Variants in SNTG1 observed in about 807,000 individuals in gnomAD.
The protein encoded by SNTG1 is gamma-1-syntrophin.
A neutral mutation model predicts 74.7 loss-of-function variants in SNTG1; 39 were observed. The ratio of observed to expected loss-of-function variants is 0.52; its 90% CI spans 0.40 to 0.68. SNTG1 has a LOEUF of 0.68. Among genes scored for constraint, SNTG1 ranks in the 30% least tolerant of loss-of-function variants. The pLI, the probability that SNTG1 is intolerant of heterozygous loss-of-function variation, is 0.00. For missense variants in SNTG1, 685 were observed against 609.5 expected, an observed-to-expected ratio of 1.12 and a Z score of -1.30; for synonymous variants, 254 against 217.1, an observed-to-expected ratio of 1.17 and a Z score of -1.49.
intron 1 of SNTG1, among the ~76,000 whole-genome samples, chr8:49,912,974 G>A (rs760284736): frequency 9.2e-5 from 14 of 152,142 alleles, no homozygotes; most frequent in Non-Finnish European, 1.6e-4. Flanking sequence ...GTAGGTTCCC[G>A]AAAAACCATA....
intron 2 of SNTG1, among the ~76,000 whole-genome samples, chr8:50,240,432 A>G (rs1363103773): frequency 6.6e-6 from 1 of 152,224 alleles, no homozygotes; most frequent in African/African-American, 2.4e-5. Context: ...AAATTCCAGT[A>G]AGTCTCTTTA....
chr8:49,940,407 G>C (rs1376423619), intron 1 of SNTG1, among the ~76,000 whole-genome samples: 2 of 152,150 alleles, frequency 1.3e-5, no homozygotes, highest in Non-Finnish European at 2.9e-5. Context: ...CAGTGAAAAG[G>C]GGAATGGCTA....
chr8:50,607,021 G>A (rs2094817677), intron 13 of SNTG1, among the ~76,000 whole-genome samples: 2 of 151,828 alleles, frequency 1.3e-5, no homozygotes, highest in South Asian at 4.1e-4. Flanking sequence ...GTTTCTGAGA[G>A]ACATTGATAT....
chr8:50,158,897 A>G (rs1358928009), intron 1 of SNTG1, among the ~76,000 whole-genome samples: 1 of 152,208 alleles, frequency 6.6e-6, no homozygotes, highest in Non-Finnish European at 1.5e-5. Flanking sequence ...AATAAATAAT[A>G]CTAGACTATT....
chr8:50,184,812 G>GA (rs963473518), intron 2 of SNTG1, among the ~76,000 whole-genome samples: 3 of 151,674 alleles, frequency 2.0e-5, no homozygotes, highest in Non-Finnish European at 4.4e-5. Context: ...TATTTTTGAG[G>GA]AAAAAAAATT....
intron 2 of SNTG1, among the ~76,000 whole-genome samples, chr8:50,248,233 T>C (rs1316472050): frequency 6.6e-6 from 1 of 152,068 alleles, no homozygotes; most frequent in African/African-American, 2.4e-5. Flanking sequence ...GGGAGGGAAA[T>C]TGTCAACCCA....
At chr8:50,271,915 C>T (rs570053199) in intron 2 of SNTG1, among the ~76,000 whole-genome samples, 1 of 152,280 alleles carries the variant, frequency 6.6e-6, no homozygotes, top group Non-Finnish European at 1.5e-5. Flanking sequence ...GAAGGCAAAA[C>T]CCTCATGGGT....
At chr8:50,627,911 G>A (rs1177297121) in intron 13 of SNTG1, among the ~76,000 whole-genome samples, 1 of 152,036 alleles carries the variant, frequency 6.6e-6, no homozygotes, top group Non-Finnish European at 1.5e-5. Flanking sequence ...CATTACATAG[G>A]CATGATTGAT....
intron 1 of SNTG1, among the ~76,000 whole-genome samples, chr8:49,956,050 A>C (rs540908775): frequency 6.6e-6 from 1 of 152,362 alleles, no homozygotes; most frequent in East Asian, 1.9e-4. Context: ...TGCTGATCAA[A>C]GAAGTCTCCT....
chr8:50,792,773 A>G lies in SNTG1; in HGVS notation c.1498A>G (p.Thr500Ala). The part of the protein sequence containing the change: ...LDPLFLGNQA[T>A]ASTAASSATT... ...CCCTCTATTTTTAGGCAATCAAGCT[A>G]CTGCTTCTACTGCTGCCAGCTCTGC... Residue 500 changes from threonine to alanine, a missense_variant, in exon 19 of 19, where the codon ACT (threonine) becomes GCT (alanine). Coordinates refer to ENST00000642720, the MANE Select transcript of SNTG1 (RefSeq NM_018967.5). 6.2e-7 allele frequency: 1 copy of G among 1,612,484 alleles called. No individual in the cohort carries two copies. Among genetic ancestry groups the G allele is most frequent in the Non-Finnish European group, 8.5e-7 (1 of 1,178,918 alleles).
At chr8:49,970,075 G>C (rs1313087656) in intron 1 of SNTG1, among the ~76,000 whole-genome samples, 2 of 152,102 alleles carry the variant, frequency 1.3e-5, no homozygotes, top group Non-Finnish European at 2.9e-5. Context: ...AGGGTGACTT[G>C]AGAATAGGAT....
intron 13 of SNTG1, among the ~76,000 whole-genome samples, chr8:50,635,757 C>G (rs935879560): frequency 6.6e-6 from 1 of 152,160 alleles, no homozygotes; most frequent in Non-Finnish European, 1.5e-5. Context: ...AATCAGAGAT[C>G]CCATGAGCCC....
At chr8:50,403,240 T>C (rs1481859119) in intron 4 of SNTG1, among the ~76,000 whole-genome samples, 1 of 152,220 alleles carries the variant, frequency 6.6e-6, no homozygotes, top group Non-Finnish European at 1.5e-5. Flanking sequence ...TTGGAGTGTT[T>C]AGTTGGTGGT....
intron 13 of SNTG1, among the ~76,000 whole-genome samples, chr8:50,646,526 G>A (rs1053947050): frequency 1.3e-5 from 2 of 152,156 alleles, no homozygotes; most frequent in Non-Finnish European, 2.9e-5. Flanking sequence ...AGGAAGTAGT[G>A]TGCTATCAAA....
At chr8:50,279,228 A>G (rs2130402050) in intron 2 of SNTG1, among the ~76,000 whole-genome samples, 1 of 152,306 alleles carries the variant, frequency 6.6e-6, no homozygotes, top group South Asian at 2.1e-4. Flanking sequence ...CAATAAGAGT[A>G]TTGGTAAATC....
In SNTG1 at chr8:49,953,344, G is replaced by A. The variant is rs114135292; in HGVS notation, c.-103+41113G>A. On this transcript the variant is annotated intron_variant, in intron 1 of 18. Transcript: ENST00000642720. ...CCAGCCAGTCTGAGAGGACCCTTGG[G>A]GGGAAACAGAGGATAAATTTCCTGT... is the stretch of plus-strand genomic sequence containing the variant. 7.4e-3 allele frequency among the ~76,000 whole-genome samples: 1,131 copies of A among 152,266 alleles called. 16 individuals are homozygous for A. Among genetic ancestry groups the A allele is most frequent in the African/African-American group, 0.025 (1,059 of 41,552 alleles).
intron 1 of SNTG1, among the ~76,000 whole-genome samples, chr8:49,946,398 A>T (rs1361562398): frequency 6.6e-6 from 1 of 151,886 alleles, no homozygotes; most frequent in Non-Finnish European, 1.5e-5. Context: ...AATCTTGAAA[A>T]CTCTGGGAGA....
intron 8 of SNTG1, among the ~76,000 whole-genome samples, chr8:50,484,255 G>A (rs2093770611): frequency 7.4e-6 from 1 of 135,490 alleles, no homozygotes; most frequent in South Asian, 2.4e-4. Context: ...CACTCTTGTT[G>A]CCCAGGCTGG....
chr8:50,514,554 A>G (rs1476756152), intron 9 of SNTG1, among the ~76,000 whole-genome samples: 1 of 152,082 alleles, frequency 6.6e-6, no homozygotes. Context: ...TCTCTCTGCT[A>G]TTGATTTCCA....
Sources: gnomAD v4.1 joint callset for allele counts (sites outside exome capture counted in the v4.1 genomes callset) on GRCh38, gnomAD v4.1.1 for gene constraint, MANE v1.5 for transcripts, NCBI Gene and HGNC (gene_info 2026-07-23, HGNC 2026-07-21) for gene names.